Variants in KIRREL3 observed in about 807,000 individuals in gnomAD.
KIRREL3 encodes the protein kin of IRRE-like protein 3.
In KIRREL3, 36 loss-of-function variants were observed where a neutral mutation model predicts 89.7. That is an observed-to-expected ratio of 0.40 (90% CI 0.31 to 0.53). The LOEUF (loss-of-function observed/expected upper bound fraction) is 0.53, where lower values mean the gene tolerates loss of function less well. Ranked by LOEUF, KIRREL3 falls within the 20% of genes least tolerant of loss-of-function variation. The pLI is 0.49. For synonymous variants in KIRREL3, 445 were observed against 441.4 expected, an observed-to-expected ratio of 1.01 and a Z score of -0.10; for missense variants, 864 against 1,056.6, an observed-to-expected ratio of 0.82 and a Z score of 2.53.
intron 1 of KIRREL3, among the ~76,000 whole-genome samples, chr11:126,949,671 C>T (rs1456361731): frequency 3.9e-5 from 6 of 152,182 alleles, no homozygotes; most frequent in Admixed American, 2.0e-4. Context: ...AAGGCATTCT[C>T]TTCTGCATAG....
In KIRREL3 at chr11:126,431,475, G is replaced by C. The variant is rs757923775; in HGVS notation, c.1640C>G (p.Ala547Gly). ...IIGVAVGAGVAFLVLMATIVA... is the reference protein window; with the variant it reads ...IIGVAVGAGVGFLVLMATIVA... ...GATGGTTGCCATAAGGACGAGGAAG[G>C]CCACACCAGCTCCTACGGCCACCCC... is the stretch of plus-strand genomic sequence containing the variant. The change falls in exon 14 of 17, where the codon GCC (alanine) becomes GGC (glycine). Residue 547 changes from alanine (A) to glycine (G), a missense_variant. Coordinates refer to ENST00000525144, the MANE Select transcript of KIRREL3 (RefSeq NM_032531.4). The surrounding 1 kb of genome is among the most constrained non-coding windows in gnomAD (Gnocchi z 7.1). The C allele has an allele frequency of 5.0e-6, 8 of 1,614,042 alleles. No individual in the cohort carries two copies. In the Admixed American group the frequency reaches 6.7e-5, roughly 13 times the overall value.
intron 1 of KIRREL3, among the ~76,000 whole-genome samples, chr11:126,974,774 C>T (rs1158848363): frequency 1.3e-5 from 2 of 152,014 alleles, no homozygotes; most frequent in African/African-American, 4.8e-5. Context: ...GGCACGTTCT[C>T]AGTTCACCAC....
rs550151456 is a variant in KIRREL3 at position 126,530,856 on chromosome 11, A to G, written c.134-4169T>C. Among the ~76,000 whole-genome samples, 103 of 150,972 alleles carry G rather than the reference A, an allele frequency of 6.8e-4. 1 individual carries two copies. Among genetic ancestry groups the G allele is most frequent in the African/African-American group, 2.4e-3 (98 of 41,066 alleles). ...TATTTTTCTTTTTTTTTTGAGACGGAGTCTGACTTTGTTGCCCAGGCTGGA... is the reference window on the plus strand; with the variant it reads ...TATTTTTCTTTTTTTTTTGAGACGGGGTCTGACTTTGTTGCCCAGGCTGGA... On this transcript the variant is annotated intron_variant, in intron 2 of 16. Transcript: ENST00000525144. This position sits in a 1 kb window ranked among gnomAD's most constrained non-coding sequence, Gnocchi z 5.8.
chr11:126,655,734 T>A lies in KIRREL3; in HGVS notation c.56-92822A>T, dbSNP rs1945107208. 6.6e-6 allele frequency among the ~76,000 whole-genome samples: 1 copy of A among 152,172 alleles called. No individual in the cohort carries two copies. Among genetic ancestry groups the A allele is most frequent in the South Asian group, 2.1e-4 (1 of 4,826 alleles). ...TGCAGATTTAGGGGGACAGTCCTGGTGGCTTGGTCTTAGGCTTGTCTTGGC... is the reference window on the plus strand; with the variant it reads ...TGCAGATTTAGGGGGACAGTCCTGGAGGCTTGGTCTTAGGCTTGTCTTGGC... On this transcript the variant is annotated intron_variant, in intron 1 of 16. Coordinates refer to ENST00000525144, the MANE Select transcript of KIRREL3 (RefSeq NM_032531.4). The surrounding 1 kb of genome is among the most constrained non-coding windows in gnomAD (Gnocchi z 5.0).
rs559398601 is a variant in KIRREL3 at position 126,559,387 on chromosome 11, C to T, written c.133+3448G>A. On this transcript the variant is annotated intron_variant, in intron 2 of 16. Coordinates refer to ENST00000525144, the MANE Select transcript of KIRREL3 (RefSeq NM_032531.4). ...TACTCCCTATGTGCAAGACACTGGGCGAAGGCCCAGGGAGAGGAGAGGAAG... is the reference window on the plus strand; with the variant it reads ...TACTCCCTATGTGCAAGACACTGGGTGAAGGCCCAGGGAGAGGAGAGGAAG... Among the ~76,000 whole-genome samples the T allele has an allele frequency of 8.9e-4, 135 of 152,184 alleles. 2 individuals carry two copies. Among genetic ancestry groups the T allele is most frequent in the Non-Finnish European group, 2.4e-4 (16 of 68,028 alleles).
intron 1 of KIRREL3, among the ~76,000 whole-genome samples, chr11:126,823,347 C>T (rs1318588734): frequency 1.3e-5 from 2 of 152,152 alleles, no homozygotes; most frequent in Non-Finnish European, 2.9e-5. Flanking sequence ...CCTCCAGGGC[C>T]TTTGCTTTTC....
chr11:126,739,659 A>G lies in KIRREL3; in HGVS notation c.56-176747T>C, dbSNP rs1948914845. Among the ~76,000 whole-genome samples, 1 of 152,192 alleles carries G rather than the reference A, an allele frequency of 6.6e-6. No homozygotes were observed. The highest frequency in any genetic ancestry group is 2.1e-4 in the South Asian group (1 of 4,830). ...GAGTGAGGAGAAGGAAACCACAGTT[A>G]AGGTATGTGTGGAGGTACTATGCAG... On this transcript the variant is annotated intron_variant, in intron 1 of 16. Coordinates refer to ENST00000525144, the MANE Select transcript of KIRREL3 (RefSeq NM_032531.4). The surrounding 1 kb of genome is among the most constrained non-coding windows in gnomAD (Gnocchi z 5.5).
Position 126,515,979 on chromosome 11 carries a change from C to T in KIRREL3, c.433+5336G>A, listed in dbSNP as rs530530775. ...ATTCACCACTGTTCTCTGGACCCAT[C>T]TCCCCAGAAGATTCATGGATGGGAG... On this transcript the variant is annotated intron_variant, in intron 4 of 16. Transcript: ENST00000525144. This position sits in a 1 kb window ranked among gnomAD's most constrained non-coding sequence, Gnocchi z 4.2. Among the ~76,000 whole-genome samples the T allele has an allele frequency of 6.6e-6, 1 of 152,190 alleles. No homozygotes were observed. Among genetic ancestry groups the T allele is most frequent in the South Asian group, 2.1e-4 (1 of 4,832 alleles).
intron 1 of KIRREL3, among the ~76,000 whole-genome samples, chr11:126,789,666 A>G (rs1950579805): frequency 6.6e-6 from 1 of 152,162 alleles, no homozygotes; most frequent in Non-Finnish European, 1.5e-5. Context: ...CCGGAGTTGT[A>G]GGAAGCATTC....
rs1219411269 is a variant in KIRREL3, at chr11:126,924,734, C to A, written c.55+75721G>T. ...CTCCTGAGCTCACCCTGGCTTCTGC[C>A]ATTGCTTGGCCAAGGTGATTAACTG... is the stretch of plus-strand genomic sequence containing the variant. On this transcript the variant is annotated intron_variant, in intron 1 of 16. Coordinates refer to ENST00000525144, the MANE Select transcript of KIRREL3 (RefSeq NM_032531.4). This position sits in a 1 kb window ranked among gnomAD's most constrained non-coding sequence, Gnocchi z 4.7. Among the ~76,000 whole-genome samples, 7 of 152,204 alleles carry A rather than the reference C, an allele frequency of 4.6e-5. No homozygotes were observed. Among genetic ancestry groups the A allele is most frequent in the African/African-American group, 1.7e-4 (7 of 41,450 alleles).
chr11:126,999,170 G>GTGTGTA lies in KIRREL3; in HGVS notation c.55+1284_55+1285insTACACA, dbSNP rs1377412756. Among the ~76,000 whole-genome samples, 1 of 151,764 alleles carries GTGTGTA rather than the reference G, an allele frequency of 6.6e-6. No homozygotes were observed. The highest frequency in any genetic ancestry group is 1.5e-5 in the Non-Finnish European group (1 of 67,980). The stretch of plus-strand genomic sequence containing the variant: ...CATGAGTGTGTGTGTGTGTGTGTGT[G>GTGTGTA]TACATACATTATCATTATACACAGG... On this transcript the variant is annotated intron_variant, in intron 1 of 16. Coordinates refer to ENST00000525144, the MANE Select transcript of KIRREL3 (RefSeq NM_032531.4). This position sits in a 1 kb window ranked among gnomAD's most constrained non-coding sequence, Gnocchi z 5.7.
At position 126,774,847 on chromosome 11, in the gene KIRREL3, G is replaced by A. The variant is rs114515329; in HGVS notation, c.56-211935C>T. On this transcript the variant is annotated intron_variant, in intron 1 of 16. Transcript: ENST00000525144. Reference sequence around the variant, plus strand: ...CCAAGCTGACAGCCTGGATCCTGCTGAGCCCAGCTTCATATTCCCTCAAGC... The same window carrying A: ...CCAAGCTGACAGCCTGGATCCTGCTAAGCCCAGCTTCATATTCCCTCAAGC... Among the ~76,000 whole-genome samples the A allele has an allele frequency of 5.9e-3, 893 of 152,206 alleles. 6 individuals are homozygous for A. Among genetic ancestry groups the A allele is most frequent in the African/African-American group, 0.02 (811 of 41,510 alleles).
rs1269796828 is a variant in KIRREL3, at chr11:126,946,704, TAAC to T, written c.55+53748_55+53750del. Among the ~76,000 whole-genome samples, 4 of 152,330 alleles carry T rather than the reference TAAC, an allele frequency of 2.6e-5. No individual in the cohort carries two copies. Among genetic ancestry groups the T allele is most frequent in the Non-Finnish European group, 5.9e-5 (4 of 68,028 alleles). On this transcript the variant is annotated intron_variant, in intron 1 of 16. Transcript: ENST00000525144. The surrounding 1 kb of genome is among the most constrained non-coding windows in gnomAD (Gnocchi z 4.1). ...AAAATTCAATGCTTGGATATCCTAA[TAAC>T]AGGTGTAATAATAATCACTACTCTT...
rs1310721385 is a variant in KIRREL3 at position 126,686,538 on chromosome 11, C to T, written c.56-123626G>A. ...GCGGGGAGGGTGGGGAGGGACTGTG[C>T]GTTCCTGCGCATGTTACCCTACACT... On this transcript the variant is annotated intron_variant, in intron 1 of 16. Coordinates refer to ENST00000525144, the MANE Select transcript of KIRREL3 (RefSeq NM_032531.4). This position sits in a 1 kb window ranked among gnomAD's most constrained non-coding sequence, Gnocchi z 4.7. Among the ~76,000 whole-genome samples the T allele has an allele frequency of 6.6e-6, 1 of 152,030 alleles. No homozygotes were observed. Among genetic ancestry groups the T allele is most frequent in the Admixed American group, 6.6e-5 (1 of 15,260 alleles).
chr11:126,664,648 T>G lies in KIRREL3; in HGVS notation c.56-101736A>C, dbSNP rs1024559747. 1.3e-5 allele frequency among the ~76,000 whole-genome samples: 2 copies of G among 152,226 alleles called. No individual in the cohort carries two copies. Among genetic ancestry groups the G allele is most frequent in the African/African-American group, 4.8e-5 (2 of 41,464 alleles). On this transcript the variant is annotated intron_variant, in intron 1 of 16. Coordinates refer to ENST00000525144, the MANE Select transcript of KIRREL3 (RefSeq NM_032531.4). This position sits in a 1 kb window ranked among gnomAD's most constrained non-coding sequence, Gnocchi z 5.4. ...CCAGCTCCGATGTGCCCTTCCTGCATGCCAAAGCCAGTTCTCTCTTGGAGA... is the reference window on the plus strand; with the variant it reads ...CCAGCTCCGATGTGCCCTTCCTGCAGGCCAAAGCCAGTTCTCTCTTGGAGA...
intron 4 of KIRREL3, among the ~76,000 whole-genome samples, chr11:126,507,535 G>A (rs1017977220): frequency 6.6e-6 from 1 of 151,902 alleles, no homozygotes. Flanking sequence ...TATGTTTTTC[G>A]TCTAACTCCC....
intron 1 of KIRREL3, among the ~76,000 whole-genome samples, chr11:126,992,172 T>G (rs1188337520): frequency 6.6e-6 from 1 of 152,216 alleles, no homozygotes; most frequent in African/African-American, 2.4e-5. Flanking sequence ...GCAAATAGAA[T>G]GCATCACCTA....
rs536251138 is a variant in KIRREL3 at position 126,796,436 on chromosome 11, C to T, written c.55+204019G>A. 2.6e-5 allele frequency among the ~76,000 whole-genome samples: 4 copies of T among 152,192 alleles called. No individual in the cohort carries two copies. In the South Asian group the frequency reaches 8.3e-4, roughly 32 times the overall value. Reference sequence around the variant, plus strand: ...TGTGGAGGAAGGCTGAAGGAGGGGACGCGCAGTTGTGGGTAACTGGCCTTC... The same window carrying T: ...TGTGGAGGAAGGCTGAAGGAGGGGATGCGCAGTTGTGGGTAACTGGCCTTC... On this transcript the variant is annotated intron_variant, in intron 1 of 16. Coordinates refer to ENST00000525144, the MANE Select transcript of KIRREL3 (RefSeq NM_032531.4). This position sits in a 1 kb window ranked among gnomAD's most constrained non-coding sequence, Gnocchi z 5.1.
At position 126,618,365 on chromosome 11, in the gene KIRREL3, G is replaced by A. The variant is rs528349820; in HGVS notation, c.56-55453C>T. Among the ~76,000 whole-genome samples, 187 of 152,256 alleles carry A rather than the reference G, an allele frequency of 1.2e-3. 5 individuals are homozygous for A. In the South Asian group the frequency reaches 0.035, roughly 29 times the overall value. ...GCAGAAACCGCCATGTTTCTTGTAC[G>A]GCCTATGGAACCAGGAGCCAATTAA... On this transcript the variant is annotated intron_variant, in intron 1 of 16. Transcript: ENST00000525144.
Sources: allele counts gnomAD v4.1 joint callset (sites outside exome capture counted in the v4.1 genomes callset), GRCh38; gene constraint gnomAD v4.1.1; non-coding constraint Gnocchi (gnomAD v3.1); transcripts MANE v1.5; gene names NCBI Gene and HGNC (gene_info 2026-07-23, HGNC 2026-07-21).